Variants in GLUD1 observed in about 807,000 individuals in gnomAD.
The protein encoded by GLUD1 is glutamate dehydrogenase 1.
A neutral mutation model predicts 56.0 loss-of-function variants in GLUD1; 22 were observed. The ratio of observed to expected loss-of-function variants is 0.39; its 90% confidence interval spans 0.28 to 0.56. The LOEUF is 0.56. GLUD1 is among the 20% of genes least tolerant of loss of function. The probability of loss-of-function intolerance (pLI) is 0.58; values close to 1 mark genes in which losing one functional copy is unlikely to be tolerated. For synonymous variants in GLUD1, 223 were observed against 269.9 expected, an observed-to-expected ratio of 0.83 and a Z score of 1.70; for missense variants, 451 against 732.0, an observed-to-expected ratio of 0.62 and a Z score of 4.43.
chr10:87,068,703 T>C (rs1176318698), intron 4 of GLUD1, among the ~76,000 whole-genome samples: 1 of 152,162 alleles, frequency 6.6e-6, no homozygotes, highest in East Asian at 1.9e-4. Context: ...AGAATGTGGC[T>C]GTGACCTATT....
rs1293089232 is a variant in GLUD1 at position 87,094,185 on chromosome 10, GCGGGGTGACC to G, written c.445+130_445+139del. On this transcript the variant is annotated intron_variant, in intron 1 of 12. Coordinates refer to ENST00000277865, the MANE Select transcript of GLUD1 (RefSeq NM_005271.5). This position sits in a 1 kb window ranked among gnomAD's most constrained non-coding sequence, Gnocchi z 6.6. ...ATCCACAGAGCCGGCCACATCCGAG[GCGGGGTGACC>G]CGGGCGGGGACCCGGCCCGCTCCAG... 2.1e-5 allele frequency: 29 copies of G among 1,385,652 alleles called. No individual in the cohort carries two copies. Among genetic ancestry groups the G allele is most frequent in the Non-Finnish European group, 2.7e-5 (28 of 1,043,134 alleles). The allele number at this position is 1,385,652 out of a possible 1,614,324, so 85.8% of individuals were successfully genotyped here.
chr10:87,092,129 T>G (rs1841523614), intron 1 of GLUD1, among the ~76,000 whole-genome samples: 1 of 152,222 alleles, frequency 6.6e-6, no homozygotes, highest in Non-Finnish European at 1.5e-5. Flanking sequence ...ACAAGGGTGA[T>G]AAATGGGTAG....
chr10:87,083,219 T>TAAAAAA (rs11431413), intron 1 of GLUD1, among the ~76,000 whole-genome samples: 1 of 134,596 alleles, frequency 7.4e-6, no homozygotes, highest in Non-Finnish European at 1.6e-5. Context: ...TCAAAAAAAT[T>TAAAAAA]AAAAAAAAAA....
rs528544541 is a variant in GLUD1 at position 87,078,620 on chromosome 10, T to A, written c.446-1964A>T. On this transcript the variant is annotated intron_variant, in intron 1 of 12. Coordinates refer to ENST00000277865, the MANE Select transcript of GLUD1 (RefSeq NM_005271.5). ...ATACGAATATTCTGACTCTTAAAATTTAAAAAAGAAAGAAAAGCTATGGCC... is the reference window on the plus strand; with the variant it reads ...ATACGAATATTCTGACTCTTAAAATATAAAAAAGAAAGAAAAGCTATGGCC... Among the ~76,000 whole-genome samples, 26 of 152,192 alleles carry A rather than the reference T, an allele frequency of 1.7e-4. No homozygotes were observed. The Middle Eastern group carries it at 0.02, about 119-fold the overall frequency.
chr10:87,067,795 C>T (rs947151669), intron 5 of GLUD1: 2 of 413,758 alleles, frequency 4.8e-6, no homozygotes, highest in Non-Finnish European at 9.1e-6. Context: ...GAATTGGATG[C>T]TTCTTGATGT....
chr10:87,051,861 G>A lies in GLUD1; in HGVS notation c.1567C>T (p.Arg523Cys), dbSNP rs142014578. ...TMERSARQIMRTAMKYNLGLD... is the reference protein window; with the variant it reads ...TMERSARQIMCTAMKYNLGLD... ...CCCAGGTTATACTTCATGGCTGTGC[G>A]CATAATTTGCTGAAATGAAAGAGAA... The change falls in exon 13 of 13, where the codon CGC becomes TGC. Residue 523 changes from arginine (R) to cysteine (C), a missense_variant. Physicochemically the swap from Arg to Cys is radical, Grantham distance 180. Coordinates refer to ENST00000277865, the MANE Select transcript of GLUD1 (RefSeq NM_005271.5). 1.4e-5 allele frequency: 23 copies of A among 1,613,920 alleles called. No homozygotes were observed. The highest frequency in any genetic ancestry group is 8.3e-5 in the Admixed American group (5 of 60,002).
chr10:87,060,919 T>C lies in GLUD1; in HGVS notation c.1055A>G (p.Lys352Arg). 6.2e-7 allele frequency: 1 copy of C among 1,614,134 alleles called. No individual in the cohort carries two copies. ...GCTATAAAAATGTATTAATACCAATTTGAAGTCTTCCAGTTCCTTTGGGTC... is the reference window on the plus strand; with the variant it reads ...GCTATAAAAATGTATTAATACCAATCTGAAGTCTTCCAGTTCCTTTGGGTC... ...GIDPKELEDF[K>R]LQHGSILGFP... Residue 352 changes from lysine to arginine, a missense_variant, in exon 7 of 13, where the codon AAA becomes AGA. Coordinates refer to ENST00000277865, the MANE Select transcript of GLUD1 (RefSeq NM_005271.5).
chr10:87,080,857 G>GC (rs1172781689), intron 1 of GLUD1, among the ~76,000 whole-genome samples: 2 of 149,642 alleles, frequency 1.3e-5, no homozygotes, highest in Non-Finnish European at 3.0e-5. Flanking sequence ...GGGGGGGTCA[G>GC]CCCCCCGCCC....
chr10:87,074,662 C>T lies in GLUD1; in HGVS notation c.583-48G>A, dbSNP rs200638987. The T allele has an allele frequency of 3.0e-4, 316 of 1,038,454 alleles. 3 individuals are homozygous for T. The East Asian group carries it at 5.0e-3, about 17-fold the overall frequency. The allele number at this position is 1,038,454 out of a possible 1,614,324, so 64.3% of individuals were successfully genotyped here. A position where few individuals can be genotyped will look rare whatever the true frequency, so the allele number is the denominator to read the frequency against. ...CAAAAGAAAAAATTGATATAAAAAT[C>T]GCTTGAGATTATAGCTAGCATCTTA... On this transcript the variant is annotated intron_variant, in intron 3 of 12. Coordinates refer to ENST00000277865, the MANE Select transcript of GLUD1 (RefSeq NM_005271.5).
intron 1 of GLUD1, among the ~76,000 whole-genome samples, chr10:87,077,201 G>T (rs1168068752): frequency 6.6e-6 from 1 of 152,044 alleles, no homozygotes; most frequent in Non-Finnish European, 1.5e-5. Flanking sequence ...TGTAGAGACA[G>T]GATCTCACCA....
chr10:87,052,668 T>TAAAAAAAAAAAAAAAAA lies in GLUD1; in HGVS notation c.1557+673_1557+674insTTTTTTTTTTTTTTTTT, dbSNP rs1285140190. Among the ~76,000 whole-genome samples, 8 of 16,538 alleles carry TAAAAAAAAAAAAAAAAA rather than the reference T, an allele frequency of 4.8e-4. 1 individual carries two copies. Among genetic ancestry groups the TAAAAAAAAAAAAAAAAA allele is most frequent in the African/African-American group, 1.0e-3 (8 of 7,642 alleles). 10.8% of individuals were successfully genotyped at this position (16,538 alleles called of 152,430 possible). A position where few individuals can be genotyped will look rare whatever the true frequency, so the allele number is the denominator to read the frequency against. On this transcript the variant is annotated intron_variant, in intron 12 of 12. Coordinates refer to ENST00000277865, the MANE Select transcript of GLUD1 (RefSeq NM_005271.5). Reference sequence around the variant, plus strand: ...CTGGGCAACAGGGCAAAACTCCGTCTCAAAAAAAAAAAAAAAAAAAAAAAA... The same window carrying TAAAAAAAAAAAAAAAAA: ...CTGGGCAACAGGGCAAAACTCCGTCTAAAAAAAAAAAAAAAAACAAAAAAAAAAAAAAAAAAAAAAAA...
At chr10:87,082,634 A>G (rs1841289531) in intron 1 of GLUD1, among the ~76,000 whole-genome samples, 1 of 152,262 alleles carries the variant, frequency 6.6e-6, no homozygotes. Context: ...GGGCTAAAGA[A>G]GAAACATTTT....
intron 1 of GLUD1, among the ~76,000 whole-genome samples, chr10:87,090,988 G>C (rs906906247): frequency 6.6e-6 from 1 of 151,976 alleles, no homozygotes; most frequent in Admixed American, 6.6e-5. Flanking sequence ...CATTGACTCC[G>C]GTCTTCCCTT....
At chr10:87,074,735 G>A in intron 3 of GLUD1, 121 bp from the exon 4 acceptor site, 1 of 694,318 alleles carries the variant, frequency 1.4e-6, no homozygotes, top group South Asian at 1.6e-5. Context: ...GTAATCCTTA[G>A]AACAACTCAT....
In GLUD1 at chr10:87,094,238, G is replaced by C. The variant is rs1841646045; in HGVS notation, c.445+87C>G. On this transcript the variant is annotated intron_variant, in intron 1 of 12. Coordinates refer to ENST00000277865, the MANE Select transcript of GLUD1 (RefSeq NM_005271.5). This position sits in a 1 kb window ranked among gnomAD's most constrained non-coding sequence, Gnocchi z 6.6. ...CGCTCCAGCTGGGCTGGGCTGGGCT[G>C]AGCAGCGGCCCCGCACCGGCAGGAG... 6.7e-7 allele frequency: 1 copy of C among 1,499,164 alleles called. No homozygotes were observed. Among genetic ancestry groups the C allele is most frequent in the African/African-American group, 1.4e-5 (1 of 72,010 alleles). The allele number at this position is 1,499,164 out of a possible 1,614,324, so 92.9% of individuals were successfully genotyped here. A position where few individuals can be genotyped will look rare whatever the true frequency, so the allele number is the denominator to read the frequency against.
chr10:87,077,026 G>A (rs983607964), intron 1 of GLUD1, among the ~76,000 whole-genome samples: 1 of 151,840 alleles, frequency 6.6e-6, no homozygotes, highest in Non-Finnish European at 1.5e-5. Flanking sequence ...GGGGGTAGGG[G>A]TGGGAAACAG....
At chr10:87,074,307 C>T (rs1846322171) in intron 4 of GLUD1, among the ~76,000 whole-genome samples, 1 of 152,102 alleles carries the variant, frequency 6.6e-6, no homozygotes, top group African/African-American at 2.4e-5. Flanking sequence ...TCAAGCCCAG[C>T]CTGACCAACA....
Position 87,059,273 on chromosome 10 carries a change from C to T in GLUD1, c.1279G>A (p.Asp427Asn), listed in dbSNP as rs868589833. 2.5e-6 allele frequency: 4 copies of T among 1,613,566 alleles called. No individual in the cohort carries two copies. Among genetic ancestry groups the T allele is most frequent in the Non-Finnish European group, 3.4e-6 (4 of 1,179,530 alleles). The change falls in exon 10 of 13, where the codon GAT (aspartate) becomes AAT (asparagine). Residue 427 changes from aspartate to asparagine, a missense_variant and splice_region_variant. This residue lies in a region of GLUD1 where 248 missense variants were observed against 460.0 expected (regional missense o/e 0.54). Transcript: ENST00000277865. The part of the protein sequence containing the change: ...FLERNIMVIP[D>N]LYLNAGGVTV... ...ACTCCTCCAGCATTCAAGTAGAGAT[C>T]CTATGCACAAAAATAAGACAAAGAA...
chr10:87,081,637 G>A (rs1841256354), intron 1 of GLUD1, among the ~76,000 whole-genome samples: 1 of 152,156 alleles, frequency 6.6e-6, no homozygotes, highest in African/African-American at 2.4e-5. Flanking sequence ...CTGTTGATCT[G>A]TGACCTTACC....
Sources: allele counts gnomAD v4.1 joint callset (sites outside exome capture counted in the v4.1 genomes callset), GRCh38; gene constraint gnomAD v4.1.1; regional missense constraint gnomAD v4.1.1; non-coding constraint Gnocchi (gnomAD v3.1); transcripts MANE v1.5; gene names NCBI Gene and HGNC (gene_info 2026-07-23, HGNC 2026-07-21).